The following SEMA3A variants were observed in gnomAD, a reference collection of about 807,000 sequenced individuals.
The protein encoded by SEMA3A is semaphorin 3A.
In SEMA3A, 29 loss-of-function variants were observed where a neutral mutation model predicts 97.9. The observed-to-expected ratio is 0.30, with a 90% confidence interval of 0.22 to 0.40. The LOEUF is 0.40. SEMA3A is among the 10% of genes least tolerant of loss of function. The pLI is 1.00. For missense variants in SEMA3A, 763 were observed against 951.3 expected (o/e 0.80, Z 2.60); for synonymous variants, 321 against 323.7 (o/e 0.99, Z 0.09).
At chr7:84,467,140 A>G (rs1183803180) in intron 1 of SEMA3A, among the ~76,000 whole-genome samples, 4 of 152,136 alleles carry the variant, frequency 2.6e-5, no homozygotes, top group Admixed American at 1.3e-4. Context: ...AAAAAAACCT[A>G]ATCATCTTTA....
chr7:84,314,725 C>G (rs2115882449), intron 2 of SEMA3A, among the ~76,000 whole-genome samples: 1 of 152,294 alleles, frequency 6.6e-6, no homozygotes, highest in South Asian at 2.1e-4. Flanking sequence ...GATAGCATAT[C>G]AGAGACAATA....
chr7:84,211,979 A>G (rs1411949383), intron 3 of SEMA3A, among the ~76,000 whole-genome samples: 1 of 152,226 alleles, frequency 6.6e-6, no homozygotes, highest in East Asian at 1.9e-4. Context: ...AGAACCGGGG[A>G]AAGTAATGTC....
intron 2 of SEMA3A, among the ~76,000 whole-genome samples, chr7:84,358,912 G>A (rs1802641009): frequency 6.6e-6 from 1 of 152,108 alleles, no homozygotes. Flanking sequence ...GTGAATGGGA[G>A]TTCACTCATG....
At chr7:84,405,457 C>A (rs1300949539) in intron 1 of SEMA3A, among the ~76,000 whole-genome samples, 1 of 152,188 alleles carries the variant, frequency 6.6e-6, no homozygotes, top group Non-Finnish European at 1.5e-5. Flanking sequence ...GAGACTTTAA[C>A]ACCTCACTGT....
chr7:84,007,440 C>T lies in SEMA3A; in HGVS notation c.1053G>A (p.Val351=). ...CCCTGTGGGCATATGGACCAAGGAACACCCTTCTCACATCACTCATGCTAT... is the reference window on the plus strand; with the variant it reads ...CCCTGTGGGCATATGGACCAAGGAATACCCTTCTCACATCACTCATGCTAT... ...CMYSMSDVRR[V]FLGPYAHRDG... Residue 351 remains valine (V), a synonymous_variant, in exon 10 of 17, where the codon GTG becomes GTA. Coordinates refer to ENST00000265362, the MANE Select transcript of SEMA3A (RefSeq NM_006080.3). 1.2e-6 allele frequency: 2 copies of T among 1,606,986 alleles called. No homozygotes were observed. Among genetic ancestry groups the T allele is most frequent in the Non-Finnish European group, 8.5e-7 (1 of 1,176,596 alleles).
At chr7:84,217,653 G>A (rs900014548) in intron 3 of SEMA3A, among the ~76,000 whole-genome samples, 3 of 151,966 alleles carry the variant, frequency 2.0e-5, no homozygotes, top group Non-Finnish European at 4.4e-5. Context: ...AAACTTTAAA[G>A]TATCTTTCTC....
At chr7:84,482,078 A>ATT (rs1238906787) in intron 1 of SEMA3A, among the ~76,000 whole-genome samples, 2 of 151,832 alleles carry the variant, frequency 1.3e-5, no homozygotes, top group Non-Finnish European at 2.9e-5. Flanking sequence ...CATAAATGAA[A>ATT]TTATATATAT....
intron 2 of SEMA3A, among the ~76,000 whole-genome samples, chr7:84,331,716 A>C (rs1801913603): frequency 6.6e-6 from 1 of 152,104 alleles, no homozygotes; most frequent in Admixed American, 6.6e-5. Flanking sequence ...GGGAAAAAAA[A>C]AATAACACAT....
intron 1 of SEMA3A, among the ~76,000 whole-genome samples, chr7:84,172,464 C>G (rs1326336861): frequency 6.6e-6 from 1 of 152,088 alleles, no homozygotes; most frequent in Non-Finnish European, 1.5e-5. Context: ...GCTCTGTCAC[C>G]CAGGCTGGAG....
intron 1 of SEMA3A, among the ~76,000 whole-genome samples, chr7:84,150,627 T>A (rs989440105): frequency 3.9e-5 from 6 of 152,026 alleles, no homozygotes; most frequent in Admixed American, 3.9e-4. Context: ...CACAGCAGTC[T>A]GAGATCAAAC....
intron 3 of SEMA3A, among the ~76,000 whole-genome samples, chr7:84,269,313 A>G (rs528520222): frequency 8.5e-4 from 130 of 152,254 alleles, no homozygotes; most frequent in Admixed American, 1.3e-3. Context: ...ACCTATAAAA[A>G]TGTGAAACAT....
At chr7:84,036,321 T>C (rs539374609) in intron 6 of SEMA3A, among the ~76,000 whole-genome samples, 1 of 152,256 alleles carries the variant, frequency 6.6e-6, no homozygotes, top group South Asian at 2.1e-4. Context: ...GATTTTATCC[T>C]GGAAGGCAGG....
intron 1 of SEMA3A, among the ~76,000 whole-genome samples, chr7:84,427,222 C>T (rs1804850820): frequency 1.3e-5 from 2 of 152,022 alleles, no homozygotes; most frequent in South Asian, 2.1e-4. Context: ...TAACCATCCC[C>T]CACAATGAAG....
At chr7:84,483,169 T>C (rs1362370108) in intron 1 of SEMA3A, among the ~76,000 whole-genome samples, 5 of 152,152 alleles carry the variant, frequency 3.3e-5, no homozygotes, top group East Asian at 3.9e-4. Flanking sequence ...TTTCTCAAAC[T>C]CCATGTTAAC....
intron 1 of SEMA3A, among the ~76,000 whole-genome samples, chr7:84,461,048 AT>A (rs1400926999): frequency 6.6e-6 from 1 of 152,148 alleles, no homozygotes; most frequent in African/African-American, 2.4e-5. Flanking sequence ...CTTTAAAATT[AT>A]TTATCAGCCC....
At chr7:84,321,022 A>C (rs1224855628) in intron 2 of SEMA3A, among the ~76,000 whole-genome samples, 1 of 152,188 alleles carries the variant, frequency 6.6e-6, no homozygotes, top group Non-Finnish European at 1.5e-5. Context: ...GCTGAATTTC[A>C]TTCTTTCTTG....
At chr7:84,188,162 G>C (rs1404338332) in intron 1 of SEMA3A, among the ~76,000 whole-genome samples, 1 of 152,032 alleles carries the variant, frequency 6.6e-6, no homozygotes, top group Non-Finnish European at 1.5e-5. Flanking sequence ...TCCTTAAAAT[G>C]TGTGGTTCCT....
At chr7:84,393,894 A>G (rs1419356228) in intron 1 of SEMA3A, among the ~76,000 whole-genome samples, 3 of 152,114 alleles carry the variant, frequency 2.0e-5, no homozygotes, top group African/African-American at 7.2e-5. Context: ...TTGCCCCAAG[A>G]CAATTTACAG....
intron 1 of SEMA3A, among the ~76,000 whole-genome samples, chr7:84,464,667 T>G (rs888923088): frequency 2.0e-5 from 3 of 152,194 alleles, no homozygotes; most frequent in Non-Finnish European, 2.9e-5. Context: ...AATAGTAATA[T>G]GATCTGTATT....
Sources: gnomAD v4.1 joint callset for allele counts (sites outside exome capture counted in the v4.1 genomes callset) on GRCh38, gnomAD v4.1.1 for gene constraint, MANE v1.5 for transcripts, NCBI Gene and HGNC (gene_info 2026-07-23, HGNC 2026-07-21) for gene names.